ALOXE3: variants seen among roughly 807,000 people sequenced by gnomAD.
ALOXE3 encodes hydroperoxide isomerase ALOXE3.
Under a neutral mutation model 87.5 loss-of-function variants are expected in ALOXE3, and 78 were observed. That is an observed-to-expected ratio of 0.89 (90% confidence interval 0.74 to 1.08). The LOEUF is 1.08. Among genes scored for constraint, ALOXE3 ranks in the 50% least tolerant of loss-of-function variants. ALOXE3 has a pLI of 0.00. For missense variants in ALOXE3, 946 were observed against 912.4 expected (o/e 1.04, Z -0.47); for synonymous variants, 363 against 370.8 (o/e 0.98, Z 0.24).
chr17:8,109,899 C>T lies in ALOXE3; in HGVS notation c.1392+17G>A, dbSNP rs151256885. On this transcript the variant is annotated intron_variant, in intron 11 of 15. Coordinates refer to ENST00000448843, the MANE Select transcript of ALOXE3 (RefSeq NM_021628.3). ...TCTTCGGGGGCGGAGATCAGTGACC[C>T]GGCAGGGAGGCCGCACCTGGTCCAC... 6,595 of 1,547,320 alleles carry T rather than the reference C, an allele frequency of 4.3e-3. 191 individuals carry two copies. In the African/African-American group the frequency reaches 0.066, roughly 16 times the overall value.
In ALOXE3 at chr17:8,110,366, G is replaced by A. The variant is rs1312243166; in HGVS notation, c.1101+19C>T. 1 of 1,604,706 alleles carries A rather than the reference G, an allele frequency of 6.2e-7. No individual in the cohort carries two copies. The highest frequency in any genetic ancestry group is 1.3e-5 in the African/African-American group (1 of 74,626). ...TTAGCACCTGAGCCCCCATCCCGGG[G>A]CGGCGGCGCCGGGCTCACCTGGATG... On this transcript the variant is annotated intron_variant, in intron 9 of 15. Coordinates refer to ENST00000448843, the MANE Select transcript of ALOXE3 (RefSeq NM_021628.3).
rs1463326907 is a variant in ALOXE3 at position 8,107,940 on chromosome 17, A to AGAAAGAAAGAAAGAAAGAAAG, written c.1684+507_1684+527dup. On this transcript the variant is annotated intron_variant, in intron 13 of 15. Coordinates refer to ENST00000448843, the MANE Select transcript of ALOXE3 (RefSeq NM_021628.3). ...AAGAAAGAAAGAAAGAAAGAAAGAA[A>AGAAAGAAAGAAAGAAAGAAAG]GAAAGAAAGAAAGAAAGAAAGGAAG... 5.9e-4 allele frequency among the ~76,000 whole-genome samples: 3 copies of AGAAAGAAAGAAAGAAAGAAAG among 5,110 alleles called. 1 individual carries two copies. The highest frequency in any genetic ancestry group is 2.5e-3 in the East Asian group (3 of 1,180). The allele number at this position is 5,110 out of a possible 152,430, so 3.4% of individuals were successfully genotyped here.
intron 15 of ALOXE3, among the ~76,000 whole-genome samples, chr17:8,099,369 T>TCAA (rs139892051): frequency 2.1e-5 from 1 of 47,146 alleles, no homozygotes; most frequent in East Asian, 8.4e-4. Context: ...ACTGCCCTTC[T>TCAA]TAGTACTACC....
At chr17:8,098,172 T>A (rs1978671635) in intron 15 of ALOXE3, among the ~76,000 whole-genome samples, 1 of 151,870 alleles carries the variant, frequency 6.6e-6, no homozygotes, top group African/African-American at 2.4e-5. Flanking sequence ...CTGACTTTAA[T>A]GAATAGACAT....
intron 5 of ALOXE3, 116 bp from the exon 6 acceptor site, chr17:8,114,725 TC>T: frequency 1.3e-6 from 2 of 1,522,306 alleles, no homozygotes; most frequent in Non-Finnish European, 9.0e-7. Context: ...TACTCCCGGC[TC>T]CTCCCCTGCC....
rs115656439 is a variant in ALOXE3 at position 8,117,819 on chromosome 17, G to T, written c.147+25C>A. 4,772 of 1,606,444 alleles carry T rather than the reference G, an allele frequency of 3.0e-3. 133 individuals carry two copies. In the African/African-American group the frequency reaches 0.054, roughly 18 times the overall value. ...GCGGCCCCTGCCCCTCTGAGGTCGC[G>T]CTTCCCTGTCTCCTTTGTACTCACC... On this transcript the variant is annotated intron_variant, in intron 2 of 15. Coordinates refer to ENST00000448843, the MANE Select transcript of ALOXE3 (RefSeq NM_021628.3).
At chr17:8,100,348 C>G (rs1978847541) in intron 15 of ALOXE3, among the ~76,000 whole-genome samples, 1 of 152,064 alleles carries the variant, frequency 6.6e-6, no homozygotes, top group Non-Finnish European at 1.5e-5. Flanking sequence ...AAAAACCACA[C>G]AGGTGCACTG....
In ALOXE3 at chr17:8,116,860, T is replaced by C. The variant is rs892470177; in HGVS notation, c.268A>G (p.Thr90Ala). 3.7e-6 allele frequency: 6 copies of C among 1,614,170 alleles called. No individual in the cohort carries two copies. The highest frequency in any genetic ancestry group is 5.1e-6 in the Non-Finnish European group (6 of 1,180,030). The change falls in exon 3 of 16, where the codon ACC becomes GCC. Residue 90 changes from threonine (T) to alanine (A), a missense_variant. Thr to Ala is a moderately conservative substitution (Grantham distance 58, BLOSUM62 0). Coordinates refer to ENST00000448843, the MANE Select transcript of ALOXE3 (RefSeq NM_021628.3). Reference protein sequence around the residue: ...DSWYCSRICVTEPDGSVSHFP... With the variant: ...DSWYCSRICVAEPDGSVSHFP... Reference sequence around the variant, plus strand: ...TGGGATACACTACCATCCGGTTCGGTGACACAGATGCGGCTACAGTACCAA... The same window carrying C: ...TGGGATACACTACCATCCGGTTCGGCGACACAGATGCGGCTACAGTACCAA...
chr17:8,099,748 C>G (rs1978807268), intron 15 of ALOXE3, among the ~76,000 whole-genome samples: 1 of 151,564 alleles, frequency 6.6e-6, no homozygotes, highest in African/African-American at 2.4e-5. Context: ...TGTTCCCTTT[C>G]TTTCTCTTTT....
In ALOXE3 at chr17:8,109,157, C is replaced by T; in HGVS notation, c.1562+17G>A. ...GAGACCCTGGTGGGACTGCTGGTCC[C>T]GCCCCGCACCTCGCACCTCTCAATG... is the stretch of plus-strand genomic sequence containing the variant. On this transcript the variant is annotated intron_variant, in intron 12 of 15. Transcript: ENST00000448843. 6.2e-7 allele frequency: 1 copy of T among 1,611,900 alleles called. No individual in the cohort carries two copies. The highest frequency in any genetic ancestry group is 8.5e-7 in the Non-Finnish European group (1 of 1,179,986).
rs752657107 is a variant in ALOXE3 at position 8,115,640 on chromosome 17, G to C, written c.401C>G (p.Thr134Arg). 1 of 1,614,178 alleles carries C rather than the reference G, an allele frequency of 6.2e-7. No homozygotes were observed. The highest frequency in any genetic ancestry group is 1.1e-5 in the South Asian group (1 of 91,090). Reference protein sequence around the residue: ...DSLPLLLDHRTRELRARQECY... With the variant: ...DSLPLLLDHRRRELRARQECY... ...TTCTTGTCGGGCCCGGAGCTCCCGT[G>C]TCCTGTGATCCAGGAGGAGGGGAAG... is the stretch of plus-strand genomic sequence containing the variant. The change falls in exon 4 of 16, where the codon ACA becomes AGA. Residue 134 changes from threonine (T) to arginine (R), a missense_variant. By Grantham distance (71) the Thr-to-Arg change is moderately conservative. Coordinates refer to ENST00000448843, the MANE Select transcript of ALOXE3 (RefSeq NM_021628.3).
At position 8,109,203 on chromosome 17, in the gene ALOXE3, G is replaced by T; in HGVS notation, c.1533C>A (p.Asp511Glu). The T allele has an allele frequency of 6.2e-7, 1 of 1,613,834 alleles. No homozygotes were observed. The highest frequency in any genetic ancestry group is 8.5e-7 in the Non-Finnish European group (1 of 1,180,036). Residue 511 changes from aspartate to glutamate, a missense_variant, in exon 12 of 16, where the codon GAC (aspartate) becomes GAA (glutamate). Physicochemically the swap from Asp to Glu is conservative, Grantham distance 45. Transcript: ENST00000448843. ...LAIPNYHYRD[D>E]GLKIWAAIES... Reference sequence around the variant, plus strand: ...CAATGGCCGCCCAGATCTTCAGGCCGTCGTCTCGGTAGTGGTAGTTGGGGA... The same window carrying T: ...CAATGGCCGCCCAGATCTTCAGGCCTTCGTCTCGGTAGTGGTAGTTGGGGA...
chr17:8,108,015 GAA>G (rs1214058124), intron 13 of ALOXE3, among the ~76,000 whole-genome samples: 1 of 70,360 alleles, frequency 1.4e-5, no homozygotes, highest in Non-Finnish European at 3.4e-5. Context: ...AAGAAAGAAA[GAA>G]AGAAAGAAAG....
chr17:8,115,922 C>T (rs988753027), intron 3 of ALOXE3, among the ~76,000 whole-genome samples: 8 of 152,232 alleles, frequency 5.3e-5, no homozygotes, highest in Non-Finnish European at 1.0e-4. Context: ...CCCCTCCAGA[C>T]TATAAACTCC....
chr17:8,102,518 C>T (rs1978990069), intron 15 of ALOXE3, among the ~76,000 whole-genome samples: 1 of 152,156 alleles, frequency 6.6e-6, no homozygotes, highest in Admixed American at 6.5e-5. Flanking sequence ...CCTTGATTGG[C>T]TACCCTTTGT....
At chr17:8,110,607 C>T (rs1979992505) in intron 8 of ALOXE3, 79 bp from the exon 9 acceptor site, 3 of 1,595,884 alleles carry the variant, frequency 1.9e-6, no homozygotes, top group Non-Finnish European at 2.6e-6. Context: ...CCACTTCCAC[C>T]CCAGAGAGGA....
Position 8,103,313 on chromosome 17 carries a change from G to T in ALOXE3, c.1956+10C>A. 6.2e-7 allele frequency: 1 copy of T among 1,613,242 alleles called. No individual in the cohort carries two copies. Among genetic ancestry groups the T allele is most frequent in the Middle Eastern group, 1.7e-4 (1 of 6,058 alleles). ...AGAACCCTACTCCCCTCAACATCCC[G>T]TATACACACCTGGTCCTTGGGTTCT... On this transcript the variant is annotated intron_variant, in intron 15 of 15. Coordinates refer to ENST00000448843, the MANE Select transcript of ALOXE3 (RefSeq NM_021628.3).
intron 13 of ALOXE3, 101 bp downstream of exon 13, chr17:8,108,367 A>G: frequency 6.6e-7 from 1 of 1,508,278 alleles, no homozygotes; most frequent in Admixed American, 1.9e-5. Flanking sequence ...AATAGTATCT[A>G]CTTCAAAGGC....
chr17:8,109,307 T>G lies in ALOXE3; in HGVS notation c.1429A>C (p.Met477Leu), dbSNP rs1159132723. The G allele has an allele frequency of 6.2e-7, 1 of 1,613,786 alleles. No homozygotes were observed. Among genetic ancestry groups the G allele is most frequent in the East Asian group, 2.2e-5 (1 of 44,846 alleles). ...GTGAAGTGGGCCAGGCCCGTGCTCATGAGGTAGATGAGGCCTTGCCTCCCG... is the reference window on the plus strand; with the variant it reads ...GTGAAGTGGGCCAGGCCCGTGCTCAGGAGGTAGATGAGGCCTTGCCTCCCG... The part of the protein sequence containing the change: ...SIGRQGLIYL[M>L]STGLAHFTYT... Residue 477 changes from methionine to leucine, a missense_variant, in exon 12 of 16, where the codon ATG (methionine) becomes CTG (leucine). Met to Leu is a conservative substitution (Grantham distance 15, BLOSUM62 2). Coordinates refer to ENST00000448843, the MANE Select transcript of ALOXE3 (RefSeq NM_021628.3).
Sources: allele counts gnomAD v4.1 joint callset (sites outside exome capture counted in the v4.1 genomes callset), GRCh38; gene constraint gnomAD v4.1.1; transcripts MANE v1.5; gene names NCBI Gene and HGNC (gene_info 2026-07-23, HGNC 2026-07-21).